Variants in LRRC4C observed in about 807,000 individuals in gnomAD.
LRRC4C encodes leucine rich repeat containing 4C.
LRRC4C carries 5 observed loss-of-function variants against 33.6 expected under a neutral mutation model. The observed-to-expected ratio is 0.15, with a 90% CI of 0.08 to 0.31. The LOEUF is 0.31. LRRC4C is among the 10% of genes least tolerant of loss of function. LRRC4C has a pLI of 1.00. For missense variants in LRRC4C, 560 were observed against 796.7 expected (o/e 0.70, Z 3.58); for synonymous variants, 329 against 302.0 (o/e 1.09, Z -0.93).
At chr11:40,647,186 A>T (rs1942519393) in intron 3 of LRRC4C, among the ~76,000 whole-genome samples, 1 of 152,230 alleles carries the variant, frequency 6.6e-6, no homozygotes, top group Non-Finnish European at 1.5e-5. Flanking sequence ...AGAGAGCTAA[A>T]TATTAATAGG....
chr11:41,188,186 C>T (rs981479098), intron 1 of LRRC4C, among the ~76,000 whole-genome samples: 1 of 152,016 alleles, frequency 6.6e-6, no homozygotes, highest in African/African-American at 2.4e-5. Flanking sequence ...CTTCTTACTT[C>T]TTTACCAGGA....
chr11:41,099,132 T>G (rs548318490), intron 1 of LRRC4C, among the ~76,000 whole-genome samples: 10 of 151,936 alleles, frequency 6.6e-5, no homozygotes, highest in Non-Finnish European at 1.5e-4. Context: ...AAGACTGAAC[T>G]AGTAAGAAAT....
At chr11:41,220,975 GTATT>G (rs977388218) in intron 1 of LRRC4C, among the ~76,000 whole-genome samples, 1 of 152,092 alleles carries the variant, frequency 6.6e-6, no homozygotes, top group African/African-American at 2.4e-5. Flanking sequence ...AAGATATTCT[GTATT>G]TATTTATTTA....
chr11:40,241,197 A>G (rs1490650830), intron 5 of LRRC4C, among the ~76,000 whole-genome samples: 5 of 152,064 alleles, frequency 3.3e-5, no homozygotes, highest in Non-Finnish European at 5.9e-5. Flanking sequence ...CCTGCAAAAC[A>G]TAGCAAGAGC....
At position 40,315,372 on chromosome 11, in the gene LRRC4C, T is replaced by G. The variant is rs535296726; in HGVS notation, c.-176+4256A>C. ...TATTCTCCTAGTTTATGTACCTACA[T>G]GTCTATTTCTCATTTTAAAACAAGG... On this transcript the variant is annotated intron_variant, in intron 4 of 6. Transcript: ENST00000528697. 2.7e-4 allele frequency among the ~76,000 whole-genome samples: 41 copies of G among 152,038 alleles called. 2 individuals are homozygous for G. The highest frequency in any genetic ancestry group is 3.4e-3 in the Middle Eastern group (1 of 294).
intron 2 of LRRC4C, among the ~76,000 whole-genome samples, chr11:40,691,135 A>C (rs1437268888): frequency 1.3e-5 from 2 of 152,028 alleles, no homozygotes; most frequent in Non-Finnish European, 1.5e-5. Flanking sequence ...CAAGTAGTCC[A>C]TTTTATAAAC....
intron 2 of LRRC4C, among the ~76,000 whole-genome samples, chr11:40,888,927 T>A (rs1230566410): frequency 3.3e-5 from 5 of 152,002 alleles, no homozygotes; most frequent in Non-Finnish European, 7.4e-5. Context: ...AATTAATACA[T>A]TAAATATCGT....
At chr11:40,735,009 GCTCTC>G (rs1199183937) in intron 2 of LRRC4C, among the ~76,000 whole-genome samples, 1 of 152,008 alleles carries the variant, frequency 6.6e-6, no homozygotes, top group Non-Finnish European at 1.5e-5. Flanking sequence ...CAGCTGGGAG[GCTCTC>G]CTCATCTTTC....
In LRRC4C at chr11:40,992,763, G is replaced by T. The variant is rs1048312790; in HGVS notation, c.-495-59040C>A. ...ACATTAATTTAAAATTAAACTATGG[G>T]TCTACTGTTTAGTATTCTCATTTAA... On this transcript the variant is annotated intron_variant, in intron 1 of 6. Transcript: ENST00000528697. 3.3e-5 allele frequency among the ~76,000 whole-genome samples: 5 copies of T among 152,066 alleles called. No individual in the cohort carries two copies. The East Asian group carries it at 9.6e-4, about 29-fold the overall frequency.
intron 1 of LRRC4C, among the ~76,000 whole-genome samples, chr11:41,455,298 T>C (rs953379151): frequency 1.3e-5 from 2 of 152,132 alleles, no homozygotes; most frequent in African/African-American, 4.8e-5. Context: ...TAGTAGTCTG[T>C]GTATGTCCAA....
At chr11:41,149,382 C>T (rs1943883261) in intron 1 of LRRC4C, among the ~76,000 whole-genome samples, 1 of 151,800 alleles carries the variant, frequency 6.6e-6, no homozygotes, top group African/African-American at 2.4e-5. Context: ...TGGCGGGCGC[C>T]TGTAGTCCCA....
At chr11:40,776,502 T>G (rs1240070556) in intron 2 of LRRC4C, among the ~76,000 whole-genome samples, 4 of 152,150 alleles carry the variant, frequency 2.6e-5, no homozygotes, top group African/African-American at 7.2e-5. Flanking sequence ...ATGTAGATAT[T>G]TTAGTTTCTT....
chr11:40,552,184 A>T (rs1268243570), intron 3 of LRRC4C, among the ~76,000 whole-genome samples: 2 of 152,156 alleles, frequency 1.3e-5, no homozygotes, highest in African/African-American at 2.4e-5. Context: ...CTTTCTATAC[A>T]TCCCATTGGT....
chr11:40,637,714 T>C (rs1941836001), intron 3 of LRRC4C, among the ~76,000 whole-genome samples: 3 of 152,208 alleles, frequency 2.0e-5, no homozygotes, highest in Non-Finnish European at 4.4e-5. Flanking sequence ...AACCAGTTCT[T>C]ACCACTTTCA....
intron 1 of LRRC4C, among the ~76,000 whole-genome samples, chr11:41,229,145 T>C (rs1326590289): frequency 2.0e-5 from 3 of 152,064 alleles, no homozygotes; most frequent in African/African-American, 4.8e-5. Flanking sequence ...AAAATTCATA[T>C]GTTGAAGGCC....
chr11:41,315,599 T>C (rs1218375674), intron 1 of LRRC4C, among the ~76,000 whole-genome samples: 2 of 152,106 alleles, frequency 1.3e-5, no homozygotes, highest in East Asian at 3.9e-4. Context: ...GTGAATACAG[T>C]CCTAGCCAAC....
chr11:40,203,994 C>G (rs1424828461), intron 5 of LRRC4C, among the ~76,000 whole-genome samples: 2 of 152,152 alleles, frequency 1.3e-5, no homozygotes, highest in Admixed American at 6.5e-5. Flanking sequence ...ACAATCATAG[C>G]TCACTGCAGC....
At chr11:40,888,815 T>C (rs1382790615) in intron 2 of LRRC4C, among the ~76,000 whole-genome samples, 1 of 151,984 alleles carries the variant, frequency 6.6e-6, no homozygotes, top group Non-Finnish European at 1.5e-5. Context: ...ATTTTAGAGG[T>C]AAATGCTTAT....
At chr11:40,774,939 A>T (rs1231276552) in intron 2 of LRRC4C, among the ~76,000 whole-genome samples, 2 of 152,094 alleles carry the variant, frequency 1.3e-5, no homozygotes, top group Non-Finnish European at 2.9e-5. Flanking sequence ...TGGCATATTA[A>T]TCTCTGCTCT....
Sources: allele counts gnomAD v4.1 joint callset (sites outside exome capture counted in the v4.1 genomes callset), GRCh38; gene constraint gnomAD v4.1.1; transcripts MANE v1.5; gene names NCBI Gene and HGNC (gene_info 2026-07-23, HGNC 2026-07-21).